ZGRF1: variants seen among roughly 807,000 people sequenced by gnomAD.
ZGRF1 encodes 5'-3' DNA helicase ZGRF1.
A neutral mutation model predicts 203.5 loss-of-function variants in ZGRF1; 196 were observed. The observed-to-expected ratio is 0.96, with a 90% CI of 0.86 to 1.08. The LOEUF is 1.08. Among genes scored for constraint, ZGRF1 ranks in the 50% least tolerant of loss-of-function variants. The pLI is 0.00. For missense variants in ZGRF1, 2,326 were observed against 2,416.3 expected (o/e 0.96, Z 0.78); for synonymous variants, 809 against 841.3 (o/e 0.96, Z 0.66).
chr4:112,618,872 T>G lies in ZGRF1; in HGVS notation c.1170A>C (p.Ser390=). ...TCCAGGATGGATCATTATTACCGAC[T>G]GACTGGTCTACATTATACTTTTTCC... The part of the protein sequence containing the change: ...EERKKYNVDQ[S]VGNNDPSWNQ... The change falls in exon 6 of 28, where the codon TCA becomes TCC. Residue 390 remains serine (S), a synonymous_variant. Transcript: ENST00000505019. The G allele has an allele frequency of 6.2e-7, 1 of 1,613,710 alleles. No homozygotes were observed. The highest frequency in any genetic ancestry group is 8.5e-7 in the Non-Finnish European group (1 of 1,179,768).
At chr4:112,550,960 G>T (rs1460385191) in intron 22 of ZGRF1, among the ~76,000 whole-genome samples, 1 of 152,140 alleles carries the variant, frequency 6.6e-6, no homozygotes, top group Non-Finnish European at 1.5e-5. Flanking sequence ...TTCCAGTCCT[G>T]CAAGCTCCAT....
chr4:112,632,624 T>G (rs1242696111), intron 2 of ZGRF1, among the ~76,000 whole-genome samples: 1 of 152,234 alleles, frequency 6.6e-6, no homozygotes, highest in Admixed American at 6.5e-5. Context: ...TGTCTTCCAT[T>G]AAGCCAAATC....
In ZGRF1 at chr4:112,540,840, TATA is replaced by T. The variant is rs1578633161; in HGVS notation, c.5888_5890del (p.Leu1963del). 6.3e-7 allele frequency: 1 copy of T among 1,595,420 alleles called. No homozygotes were observed. Among genetic ancestry groups the T allele is most frequent in the Admixed American group, 1.7e-5 (1 of 57,618 alleles). Reference sequence around the variant, plus strand: ...ACCAACCTTGTACATCTGGGATTTGTATAATGTTATCACACCAATCATAGAGCC... The same window carrying T: ...ACCAACCTTGTACATCTGGGATTTGTATGTTATCACACCAATCATAGAGCC... On this transcript the variant is annotated inframe_deletion, in exon 26 of 28. Transcript: ENST00000505019.
At chr4:112,551,584 T>C (rs76931001) in intron 22 of ZGRF1, among the ~76,000 whole-genome samples, 1,850 of 152,346 alleles carry the variant, frequency 0.012, 13 homozygotes, top group Middle Eastern at 0.044. Flanking sequence ...TTAGGTTTTC[T>C]TCTTTTGTTA....
chr4:112,603,496 C>CA (rs1296174993), intron 10 of ZGRF1, 28 bp downstream of exon 10: 3 of 1,560,084 alleles, frequency 1.9e-6, no homozygotes, highest in Non-Finnish European at 2.6e-6. Context: ...AATGATTTGG[C>CA]AAAATGCAAC....
intron 22 of ZGRF1, among the ~76,000 whole-genome samples, chr4:112,553,387 T>C (rs765581408): frequency 2.0e-5 from 3 of 152,248 alleles, no homozygotes; most frequent in Non-Finnish European, 4.4e-5. Flanking sequence ...TCCTGGATTC[T>C]TGGATATATA....
rs768894610 is a variant in ZGRF1, at chr4:112,584,181, G to A, written c.4102-7C>T. 6.5e-7 allele frequency: 1 copy of A among 1,548,058 alleles called. No individual in the cohort carries two copies. Among genetic ancestry groups the A allele is most frequent in the South Asian group, 1.2e-5 (1 of 82,028 alleles). ...ATGTATAAAAGAGACGACCCTAAGG[G>A]GAAAGAAAAAAGATCAACATTTAGT... On this transcript the variant is annotated splice_polypyrimidine_tract_variant and splice_region_variant and intron_variant, in intron 14 of 27. Transcript: ENST00000505019.
intron 3 of ZGRF1, among the ~76,000 whole-genome samples, chr4:112,629,232 G>A (rs76858236): frequency 2.6e-5 from 4 of 152,128 alleles, no homozygotes; most frequent in Non-Finnish European, 4.4e-5. Context: ...TTTACTCAAC[G>A]TGAAAGTACC....
intron 16 of ZGRF1, among the ~76,000 whole-genome samples, chr4:112,567,294 G>A (rs1286248977): frequency 7.3e-5 from 11 of 151,716 alleles, no homozygotes; most frequent in Admixed American, 3.9e-4. Flanking sequence ...AGCTCATAAC[G>A]CCAGGGAAAA....
At chr4:112,634,607 C>T (rs964455459) in intron 1 of ZGRF1, among the ~76,000 whole-genome samples, 1 of 151,572 alleles carries the variant, frequency 6.6e-6, no homozygotes, top group Non-Finnish European at 1.5e-5. Flanking sequence ...GCCGAGATCA[C>T]GCCACTGCAC....
chr4:112,628,882 A>C (rs1242841965), intron 3 of ZGRF1: 1 of 424,540 alleles, frequency 2.4e-6, no homozygotes, highest in East Asian at 7.0e-5. Flanking sequence ...TAAAAGAAAA[A>C]GTTATATAGA....
intron 4 of ZGRF1, 67 bp from the exon 5 acceptor site, chr4:112,620,257 C>G: frequency 2.4e-6 from 3 of 1,269,936 alleles, no homozygotes; most frequent in Non-Finnish European, 2.2e-6. Flanking sequence ...CCAGGATGCT[C>G]ACTAGCACTA....
At position 112,587,766 on chromosome 4, in the gene ZGRF1, G is replaced by T; in HGVS notation, c.3291C>A (p.Ser1097=). ...INSNTYESSG[S]PMLNLCEKSA... is the part of the protein sequence containing the mutation. Reference sequence around the variant, plus strand: ...ACTTTTCACACAAATTGAGCATGGGGGAGCCAGAAGACTCGTATGTGTTAG... The same window carrying T: ...ACTTTTCACACAAATTGAGCATGGGTGAGCCAGAAGACTCGTATGTGTTAG... Residue 1097 remains serine, a synonymous_variant, in exon 12 of 28, where the codon TCC becomes TCA. Coordinates refer to ENST00000505019, the MANE Select transcript of ZGRF1 (RefSeq NM_018392.5). The T allele has an allele frequency of 6.4e-7, 1 of 1,555,240 alleles. No individual in the cohort carries two copies. Among genetic ancestry groups the T allele is most frequent in the South Asian group, 1.2e-5 (1 of 84,976 alleles).
At chr4:112,630,819 G>A (rs953662556) in intron 3 of ZGRF1, among the ~76,000 whole-genome samples, 11 of 149,558 alleles carry the variant, frequency 7.4e-5, no homozygotes, top group East Asian at 2.0e-4. Context: ...CGTGGGAGGC[G>A]GAGGCTGCAG....
intron 15 of ZGRF1, among the ~76,000 whole-genome samples, chr4:112,582,455 T>G (rs1746431734): frequency 6.6e-6 from 1 of 152,028 alleles, no homozygotes; most frequent in African/African-American, 2.4e-5. Context: ...ATATCTGGCT[T>G]TTTCCTTTTT....
At chr4:112,619,876 C>A in intron 5 of ZGRF1, 126 bp downstream of exon 5, 1 of 917,198 alleles carries the variant, frequency 1.1e-6, no homozygotes, top group South Asian at 2.1e-5. Context: ...GGTTTACTTC[C>A]TTTCTACCTA....
chr4:112,561,152 A>G (rs1001469600), intron 18 of ZGRF1, 157 bp from the exon 19 acceptor site: 1 of 618,360 alleles, frequency 1.6e-6, no homozygotes. Context: ...AAATGGATAC[A>G]TACTCCAATA....
intron 24 of ZGRF1, among the ~76,000 whole-genome samples, chr4:112,544,143 G>C (rs1486273193): frequency 6.6e-6 from 1 of 152,096 alleles, no homozygotes; most frequent in Non-Finnish European, 1.5e-5. Context: ...ACAACTGAAA[G>C]CTTCGTTCTT....
chr4:112,633,348 A>G, intron 1 of ZGRF1, 106 bp from the exon 2 acceptor site: 2 of 599,058 alleles, frequency 3.3e-6, no homozygotes, highest in Non-Finnish European at 5.9e-6. Context: ...AGGAGTTCCA[A>G]GATTACCTAA....
Sources: gnomAD v4.1 joint callset for allele counts (sites outside exome capture counted in the v4.1 genomes callset) on GRCh38, gnomAD v4.1.1 for gene constraint, MANE v1.5 for transcripts, NCBI Gene and HGNC (gene_info 2026-07-23, HGNC 2026-07-21) for gene names.